BRINP3: variants seen among roughly 807,000 people sequenced by gnomAD.
BRINP3 encodes BMP/retinoic acid-inducible neural-specific protein 3.
A neutral mutation model predicts 71.0 loss-of-function variants in BRINP3; 19 were observed. That is an observed-to-expected ratio of 0.27 (90% CI 0.19 to 0.39). The LOEUF is 0.39. BRINP3 is among the 10% of genes least tolerant of loss of function. The probability of loss-of-function intolerance (pLI) is 1.00; values close to 1 mark genes in which losing one functional copy is unlikely to be tolerated. For synonymous variants in BRINP3, 380 were observed against 337.7 expected, an observed-to-expected ratio of 1.13 and a Z score of -1.37; for missense variants, 959 against 940.8, an observed-to-expected ratio of 1.02 and a Z score of -0.25.
At chr1:190,242,320 G>C (rs910547770) in intron 4 of BRINP3, among the ~76,000 whole-genome samples, 5 of 151,844 alleles carry the variant, frequency 3.3e-5, no homozygotes, top group Non-Finnish European at 7.4e-5. Flanking sequence ...CAACACAAAA[G>C]TAAGCATTAT....
chr1:190,409,779 T>C (rs1672541796), intron 2 of BRINP3, among the ~76,000 whole-genome samples: 1 of 152,130 alleles, frequency 6.6e-6, no homozygotes, highest in African/African-American at 2.4e-5. Flanking sequence ...AGGGAAATGC[T>C]TCTATAAAGC....
In BRINP3 at chr1:190,177,824, G is replaced by C. The variant is rs138626201; in HGVS notation, c.962-16934C>G. Reference sequence around the variant, plus strand: ...GCACTGCAGTTGGCCCTTCTTAACTGTGTTCCACAACTGTGGATTTAACCA... The same window carrying C: ...GCACTGCAGTTGGCCCTTCTTAACTCTGTTCCACAACTGTGGATTTAACCA... On this transcript the variant is annotated intron_variant, in intron 6 of 7. Coordinates refer to ENST00000367462, the MANE Select transcript of BRINP3 (RefSeq NM_199051.3). Among the ~76,000 whole-genome samples, 825 of 152,264 alleles carry C rather than the reference G, an allele frequency of 5.4e-3. 6 individuals are homozygous for C. Among genetic ancestry groups the C allele is most frequent in the African/African-American group, 0.018 (752 of 41,572 alleles).
chr1:190,267,150 T>C (rs1264668318), intron 3 of BRINP3, among the ~76,000 whole-genome samples: 1 of 152,178 alleles, frequency 6.6e-6, no homozygotes, highest in Non-Finnish European at 1.5e-5. Flanking sequence ...ATAAGGTAGA[T>C]CTTATCAATA....
At chr1:190,300,352 G>A (rs552794594) in intron 2 of BRINP3, among the ~76,000 whole-genome samples, 1 of 152,132 alleles carries the variant, frequency 6.6e-6, no homozygotes, top group Admixed American at 6.5e-5. Context: ...CGGCTCCTGA[G>A]GCTTCTGCAT....
At chr1:190,257,761 G>T (rs937023981) in intron 4 of BRINP3, among the ~76,000 whole-genome samples, 4 of 152,182 alleles carry the variant, frequency 2.6e-5, no homozygotes, top group Non-Finnish European at 4.4e-5. Context: ...GTTGGGGTTT[G>T]CTCGGAGGTC....
chr1:190,268,283 G>C (rs1423746106), intron 3 of BRINP3, among the ~76,000 whole-genome samples: 2 of 151,986 alleles, frequency 1.3e-5, no homozygotes, highest in African/African-American at 4.8e-5. Flanking sequence ...TTTTCCCATA[G>C]AGATGGAGTC....
intron 2 of BRINP3, among the ~76,000 whole-genome samples, chr1:190,438,979 C>T (rs187319151): frequency 8.6e-5 from 13 of 151,926 alleles, no homozygotes; most frequent in African/African-American, 2.9e-4. Flanking sequence ...TTTTTGTCCC[C>T]AGTTGCCTAT....
intron 6 of BRINP3, among the ~76,000 whole-genome samples, chr1:190,186,252 T>C (rs1412583610): frequency 6.6e-6 from 1 of 151,772 alleles, no homozygotes; most frequent in East Asian, 1.9e-4. Context: ...GTGGCAGGTG[T>C]CTGTAATCCC....
chr1:190,229,979 T>C (rs1256701954), intron 5 of BRINP3, among the ~76,000 whole-genome samples: 1 of 151,804 alleles, frequency 6.6e-6, no homozygotes, highest in East Asian at 1.9e-4. Flanking sequence ...AACTAGAAAT[T>C]ATAAAGAAAA....
chr1:190,314,077 T>C (rs1665718718), intron 2 of BRINP3, among the ~76,000 whole-genome samples: 1 of 152,012 alleles, frequency 6.6e-6, no homozygotes, highest in African/African-American at 2.4e-5. Flanking sequence ...TTTCAAAATA[T>C]AATGAGTGAC....
At chr1:190,468,106 T>G (rs1322449200) in intron 1 of BRINP3, among the ~76,000 whole-genome samples, 2 of 151,308 alleles carry the variant, frequency 1.3e-5, no homozygotes, top group Non-Finnish European at 3.0e-5. Context: ...TACATTTTAA[T>G]TAATAGTTAA....
intron 2 of BRINP3, among the ~76,000 whole-genome samples, chr1:190,312,154 G>A (rs190079651): frequency 1.4e-5 from 2 of 146,542 alleles, no homozygotes; most frequent in East Asian, 4.1e-4. Flanking sequence ...GGCAACATTT[G>A]AAGTGGTGCC....
At chr1:190,242,518 C>A (rs1013138678) in intron 4 of BRINP3, among the ~76,000 whole-genome samples, 3 of 152,182 alleles carry the variant, frequency 2.0e-5, no homozygotes, top group East Asian at 1.9e-4. Context: ...TGCAAGGGAA[C>A]TTATACCACT....
At chr1:190,178,003 T>C (rs956849761) in intron 6 of BRINP3, among the ~76,000 whole-genome samples, 51 of 152,212 alleles carry the variant, frequency 3.4e-4, no homozygotes, top group African/African-American at 9.7e-4. Context: ...CTAGAGATGA[T>C]TTAAAGCTTA....
intron 2 of BRINP3, among the ~76,000 whole-genome samples, chr1:190,326,207 T>C (rs1666570124): frequency 6.6e-6 from 1 of 152,118 alleles, no homozygotes; most frequent in Non-Finnish European, 1.5e-5. Flanking sequence ...GTCAGGTCTT[T>C]TGAAATAATC....
At chr1:190,420,192 T>G (rs968170792) in intron 2 of BRINP3, among the ~76,000 whole-genome samples, 2 of 151,944 alleles carry the variant, frequency 1.3e-5, no homozygotes, top group African/African-American at 4.8e-5. Context: ...TTCCACTGAG[T>G]TGATATATTC....
At chr1:190,471,341 T>C (rs1326353822) in intron 1 of BRINP3, among the ~76,000 whole-genome samples, 1 of 151,286 alleles carries the variant, frequency 6.6e-6, no homozygotes, top group African/African-American at 2.4e-5. Context: ...ATAGAATAAA[T>C]ATTATTAAAC....
chr1:190,346,829 T>C (rs1436766270), intron 2 of BRINP3, among the ~76,000 whole-genome samples: 3 of 152,132 alleles, frequency 2.0e-5, no homozygotes, highest in African/African-American at 7.2e-5. Context: ...TCACAGCATT[T>C]GTCACAGTTT....
In BRINP3 at chr1:190,130,237, T is replaced by C. The variant is rs186647512; in HGVS notation, c.1184+30431A>G. Among the ~76,000 whole-genome samples the C allele has an allele frequency of 1.2e-4, 19 of 152,120 alleles. No individual in the cohort carries two copies. The East Asian group carries it at 3.5e-3, about 28-fold the overall frequency. ...TGACAAATAAACAAAAACTCCTCTG[T>C]TTCTTGTGGCCTGTCTTCATGCTGC... On this transcript the variant is annotated intron_variant, in intron 7 of 7. Transcript: ENST00000367462.
Sources: allele counts gnomAD v4.1 joint callset (sites outside exome capture counted in the v4.1 genomes callset), GRCh38; gene constraint gnomAD v4.1.1; transcripts MANE v1.5; gene names NCBI Gene and HGNC (gene_info 2026-07-23, HGNC 2026-07-21).